Variants in NTM observed in about 807,000 individuals in gnomAD.
NTM encodes the protein IgLON family member 2.
Under a neutral mutation model 42.1 loss-of-function variants are expected in NTM, and 13 were observed. That is an observed-to-expected ratio of 0.31 (90% CI 0.20 to 0.49). The LOEUF (loss-of-function observed/expected upper bound fraction) is 0.49. Ranked by LOEUF, NTM falls within the 20% of genes least tolerant of loss-of-function variation. The pLI is 0.99. For missense variants in NTM, 373 were observed against 452.8 expected, an observed-to-expected ratio of 0.82 and a Z score of 1.60; for synonymous variants, 187 against 179.2, an observed-to-expected ratio of 1.04 and a Z score of -0.35.
At chr11:131,820,000 T>C (rs57260024) in intron 1 of NTM, among the ~76,000 whole-genome samples, 19,659 of 152,216 alleles carry the variant, frequency 0.13, 1,961 homozygotes, top group African/African-American at 0.28. Context: ...TGTTCCATTT[T>C]TGAGTGACAA....
intron 1 of NTM, among the ~76,000 whole-genome samples, chr11:131,846,698 T>C (rs1345137472): frequency 1.3e-5 from 2 of 152,094 alleles, no homozygotes; most frequent in African/African-American, 2.4e-5. Context: ...CATGTGTACT[T>C]GGAAATGTAT....
chr11:131,708,141 T>C (rs1163568636), intron 1 of NTM, among the ~76,000 whole-genome samples: 1 of 151,566 alleles, frequency 6.6e-6, no homozygotes, highest in Non-Finnish European at 1.5e-5. Flanking sequence ...AATAAATGAA[T>C]TAAGAAAACA....
chr11:131,566,093 T>C (rs1323722775), intron 1 of NTM, among the ~76,000 whole-genome samples: 1 of 152,210 alleles, frequency 6.6e-6, no homozygotes, highest in Non-Finnish European at 1.5e-5. Flanking sequence ...TGACTTGTGC[T>C]CTTAACGTCT....
chr11:131,593,899 C>G (rs981854699), intron 1 of NTM, among the ~76,000 whole-genome samples: 2 of 152,164 alleles, frequency 1.3e-5, no homozygotes, highest in Admixed American at 6.5e-5. Flanking sequence ...GCCTGTATTT[C>G]ATTTTATTTC....
intron 1 of NTM, among the ~76,000 whole-genome samples, chr11:131,854,613 C>G (rs373793589): frequency 3.9e-5 from 6 of 152,218 alleles, no homozygotes; most frequent in East Asian, 3.9e-4. Context: ...GTGCTTGGAG[C>G]CCAGTGTGGG....
chr11:131,374,657 T>A (rs1048395064), intron 1 of NTM, among the ~76,000 whole-genome samples: 1 of 152,150 alleles, frequency 6.6e-6, no homozygotes, highest in Non-Finnish European at 1.5e-5. Context: ...TGGGTTCTGC[T>A]CTCTGCCTGC....
chr11:132,060,102 G>A (rs907061721), intron 2 of NTM, among the ~76,000 whole-genome samples: 2 of 152,166 alleles, frequency 1.3e-5, no homozygotes, highest in South Asian at 2.1e-4. Context: ...TAGGCCCCAG[G>A]TTGAGTGGCA....
chr11:132,060,937 ATG>A (rs2080562717), intron 2 of NTM, among the ~76,000 whole-genome samples: 1 of 152,228 alleles, frequency 6.6e-6, no homozygotes, highest in South Asian at 2.1e-4. Flanking sequence ...CACTTTTGCT[ATG>A]TTGAAAAAAT....
chr11:131,522,717 C>T (rs1302899250), intron 1 of NTM, among the ~76,000 whole-genome samples: 1 of 152,204 alleles, frequency 6.6e-6, no homozygotes, highest in African/African-American at 2.4e-5. Context: ...GTCCAAAACC[C>T]TGACTCCACT....
At chr11:131,535,955 A>G (rs141488198) in intron 1 of NTM, 4 of 152,368 alleles carry the variant, frequency 2.6e-5, no homozygotes, top group African/African-American at 9.6e-5. Context: ...TGCCAGAAAG[A>G]ATGAATGCTT....
chr11:132,321,946 A>T (rs1278153021), intron 7 of NTM, among the ~76,000 whole-genome samples: 14 of 145,126 alleles, frequency 9.6e-5, no homozygotes, highest in Non-Finnish European at 1.7e-4. Flanking sequence ...TAAGTGAAGG[A>T]GAAATAAAAT....
At chr11:132,082,548 C>CA (rs1181627003) in intron 2 of NTM, among the ~76,000 whole-genome samples, 7 of 152,228 alleles carry the variant, frequency 4.6e-5, no homozygotes, top group Admixed American at 1.3e-4. Flanking sequence ...CATGATTAGG[C>CA]AAGCCCCCTC....
chr11:132,041,196 TGG>T (rs202209969), intron 2 of NTM, among the ~76,000 whole-genome samples: 6 of 136,048 alleles, frequency 4.4e-5, no homozygotes, highest in South Asian at 2.5e-4. Flanking sequence ...TGTTTGTGTG[TGG>T]GTGTGTGTGT....
intron 1 of NTM, among the ~76,000 whole-genome samples, chr11:131,824,882 C>T (rs981061577): frequency 6.6e-6 from 1 of 152,138 alleles, no homozygotes; most frequent in Non-Finnish European, 1.5e-5. Context: ...ACTCTAGATG[C>T]TGGAGGACAA....
chr11:132,267,905 T>G (rs2093287780), intron 4 of NTM, among the ~76,000 whole-genome samples: 1 of 151,864 alleles, frequency 6.6e-6, no homozygotes, highest in Admixed American at 6.6e-5. Flanking sequence ...TCCATGAAAC[T>G]TTCTTAATGG....
chr11:132,334,686 A>T (rs1216541616), intron 8 of NTM, among the ~76,000 whole-genome samples: 1 of 152,118 alleles, frequency 6.6e-6, no homozygotes, highest in African/African-American at 2.4e-5. Context: ...TCAGCACAGT[A>T]GTCTGACTTT....
At chr11:131,430,521 G>T (rs1948566380) in intron 1 of NTM, among the ~76,000 whole-genome samples, 1 of 152,272 alleles carries the variant, frequency 6.6e-6, no homozygotes, top group East Asian at 1.9e-4. Flanking sequence ...TTTTCTCCTG[G>T]GCCACACTGT....
At chr11:131,579,389 C>T (rs777315265) in intron 1 of NTM, among the ~76,000 whole-genome samples, 10 of 152,200 alleles carry the variant, frequency 6.6e-5, no homozygotes, top group Non-Finnish European at 8.8e-5. Flanking sequence ...GTATATAAAA[C>T]AAAATATTCA....
chr11:131,995,452 T>C (rs577344495), intron 2 of NTM, among the ~76,000 whole-genome samples: 2 of 151,942 alleles, frequency 1.3e-5, no homozygotes, highest in East Asian at 3.9e-4. Context: ...CTGGGTGCTG[T>C]GGTGGTATCA....
Sources: gnomAD v4.1 joint callset for allele counts (sites outside exome capture counted in the v4.1 genomes callset) on GRCh38, gnomAD v4.1.1 for gene constraint, MANE v1.5 for transcripts, NCBI Gene and HGNC (gene_info 2026-07-23, HGNC 2026-07-21) for gene names.